CSMD2: variants seen among roughly 807,000 people sequenced by gnomAD.
CSMD2 encodes CUB and sushi domain-containing protein 2.
CSMD2 carries 130 observed loss-of-function variants against 398.5 expected under a neutral mutation model. That is an observed-to-expected ratio of 0.33 (90% CI 0.28 to 0.38). The LOEUF (loss-of-function observed/expected upper bound fraction) is 0.38. Among genes scored for constraint, CSMD2 ranks in the 10% least tolerant of loss-of-function variants. The pLI, the probability that CSMD2 is intolerant of heterozygous loss-of-function variation, is 1.00. For missense variants in CSMD2, 3,829 were observed against 4,764.9 expected, an observed-to-expected ratio of 0.80 and a Z score of 5.78; for synonymous variants, 1,828 against 1,908.5, an observed-to-expected ratio of 0.96 and a Z score of 1.10.
At chr1:33,652,747 AATTATT>A (rs573334439) in intron 27 of CSMD2, among the ~76,000 whole-genome samples, 6 of 152,090 alleles carry the variant, frequency 3.9e-5, no homozygotes, top group East Asian at 1.9e-4. Flanking sequence ...CACCTCAATA[AATTATT>A]ATTATTATTT....
intron 10 of CSMD2, among the ~76,000 whole-genome samples, chr1:33,807,303 C>T (rs1221256859): frequency 1.3e-5 from 2 of 152,134 alleles, no homozygotes; most frequent in East Asian, 3.8e-4. Context: ...AGGTTCTATG[C>T]TTACAGACTG....
rs565720530 is a variant in CSMD2 at position 33,705,936 on chromosome 1, A to T, written c.3576+3153T>A. The stretch of plus-strand genomic sequence containing the variant: ...CTAGTATTGTCTACTTTATTATTTA[A>T]AAAAAAAAAAAACAGTTGGTTTGGT... On this transcript the variant is annotated intron_variant, in intron 22 of 70. Coordinates refer to ENST00000373381, the MANE Select transcript of CSMD2 (RefSeq NM_001281956.2). Among the ~76,000 whole-genome samples the T allele has an allele frequency of 4.0e-3, 584 of 146,596 alleles. 3 individuals are homozygous for T. The highest frequency in any genetic ancestry group is 7.4e-3 in the African/African-American group (295 of 40,126).
At chr1:34,115,366 C>T (rs1558410724) in intron 1 of CSMD2, among the ~76,000 whole-genome samples, 1 of 152,050 alleles carries the variant, frequency 6.6e-6, no homozygotes, top group Non-Finnish European at 1.5e-5. Flanking sequence ...TCATCACCTA[C>T]AAAAGAGTTC....
intron 3 of CSMD2, among the ~76,000 whole-genome samples, chr1:34,028,819 C>T (rs1028195476): frequency 6.6e-6 from 1 of 152,222 alleles, no homozygotes; most frequent in African/African-American, 2.4e-5. Context: ...GCGGCCCACG[C>T]TCTTGCCCCC....
intron 25 of CSMD2, among the ~76,000 whole-genome samples, chr1:33,666,409 A>G (rs1571147723): frequency 6.6e-6 from 1 of 152,056 alleles, no homozygotes; most frequent in Admixed American, 6.6e-5. Flanking sequence ...CATCTTTGTT[A>G]TGGTTTTCTT....
chr1:33,947,921 T>G (rs1351360346), intron 3 of CSMD2, among the ~76,000 whole-genome samples: 1 of 152,180 alleles, frequency 6.6e-6, no homozygotes, highest in Admixed American at 6.5e-5. Context: ...GGTGAGTCAC[T>G]TGCTCACATT....
chr1:34,053,517 G>A lies in CSMD2; in HGVS notation c.405-20811C>T, dbSNP rs113324858. ...TTCAATACAGGTCCATTATGATTGCGGTGCTCTACTACCCTAGAATCCCTC... is the reference window on the plus strand; with the variant it reads ...TTCAATACAGGTCCATTATGATTGCAGTGCTCTACTACCCTAGAATCCCTC... On this transcript the variant is annotated intron_variant, in intron 2 of 70. Transcript: ENST00000373381. Among the ~76,000 whole-genome samples, 11 of 152,222 alleles carry A rather than the reference G, an allele frequency of 7.2e-5. 1 individual carries two copies. Among genetic ancestry groups the A allele is most frequent in the South Asian group, 6.2e-4 (3 of 4,822 alleles).
chr1:33,635,074 C>G lies in CSMD2; in HGVS notation c.5086+140G>C, dbSNP rs904915150. Reference sequence around the variant, plus strand: ...AGCCCGTTTGAGAAACGTCAGCACTCGGCCGTCCTTTTGGGGAGACTGTTC... The same window carrying G: ...AGCCCGTTTGAGAAACGTCAGCACTGGGCCGTCCTTTTGGGGAGACTGTTC... On this transcript the variant is annotated intron_variant, in intron 31 of 70. Transcript: ENST00000373381. This position sits in a 1 kb window ranked among gnomAD's most constrained non-coding sequence, Gnocchi z 5.0. 1.7e-6 allele frequency: 1 copy of G among 605,396 alleles called. No homozygotes were observed. Among genetic ancestry groups the G allele is most frequent in the African/African-American group, 1.9e-5 (1 of 53,898 alleles). The allele number at this position is 605,396 out of a possible 1,614,324, so 37.5% of individuals were successfully genotyped here.
At chr1:33,929,432 CTTTTTTT>C (rs936900076) in intron 4 of CSMD2, among the ~76,000 whole-genome samples, 5 of 100,648 alleles carry the variant, frequency 5.0e-5, no homozygotes, top group Non-Finnish European at 7.5e-5. Flanking sequence ...CAAGCCTATA[CTTTTTTT>C]TTTTTTTTTT....
intron 2 of CSMD2, 100 bp downstream of exon 2, chr1:34,088,877 G>T: frequency 2.1e-6 from 2 of 956,846 alleles, no homozygotes; most frequent in Non-Finnish European, 3.3e-6. Flanking sequence ...AGTGGTCTTT[G>T]TTGATGACCA....
At chr1:33,544,471 A>G (rs1343987658) in intron 57 of CSMD2, among the ~76,000 whole-genome samples, 1 of 152,072 alleles carries the variant, frequency 6.6e-6, no homozygotes. Context: ...CCATTTCTCC[A>G]GAGAGTCTAG....
chr1:34,015,508 T>A (rs1647962431), intron 3 of CSMD2, among the ~76,000 whole-genome samples: 1 of 152,128 alleles, frequency 6.6e-6, no homozygotes, highest in African/African-American at 2.4e-5. Context: ...GGTCTAGGCT[T>A]ACTTGGGCCT....
rs1010831304 is a variant in CSMD2, at chr1:33,537,903, CT to C, written c.9632-295del. Among the ~76,000 whole-genome samples the C allele has an allele frequency of 6.6e-6, 1 of 152,236 alleles. No individual in the cohort carries two copies. The highest frequency in any genetic ancestry group is 1.5e-5 in the Non-Finnish European group (1 of 68,034). Reference sequence around the variant, plus strand: ...TAAACGAAAATCCCACTATTCAAAACTTTTTTTCCATTTTCACGCACATTCT... The same window carrying C: ...TAAACGAAAATCCCACTATTCAAAACTTTTTTCCATTTTCACGCACATTCT... On this transcript the variant is annotated intron_variant, in intron 60 of 70. Coordinates refer to ENST00000373381, the MANE Select transcript of CSMD2 (RefSeq NM_001281956.2). This position sits in a 1 kb window ranked among gnomAD's most constrained non-coding sequence, Gnocchi z 4.6.
At chr1:33,955,996 G>C (rs753885449) in intron 3 of CSMD2, among the ~76,000 whole-genome samples, 3 of 152,146 alleles carry the variant, frequency 2.0e-5, no homozygotes, top group Non-Finnish European at 4.4e-5. Flanking sequence ...GCTGGGGCCT[G>C]TGTTCCTGGA....
At chr1:33,897,852 T>C (rs1393252029) in intron 5 of CSMD2, among the ~76,000 whole-genome samples, 1 of 152,198 alleles carries the variant, frequency 6.6e-6, no homozygotes, top group Non-Finnish European at 1.5e-5. Context: ...ACAAATGTTA[T>C]CTCCCTCAAT....
chr1:33,838,529 A>G (rs984668495), intron 6 of CSMD2: 1 of 152,202 alleles, frequency 6.6e-6, no homozygotes, highest in African/African-American at 2.4e-5. Context: ...AAATGCTTTC[A>G]TTACCCACAG....
rs576618288 is a variant in CSMD2, at chr1:33,752,410, G to T, written c.1847-8804C>A. On this transcript the variant is annotated intron_variant, in intron 13 of 70. Transcript: ENST00000373381. ...TGCTCCTACTTTTACCATATGATAC[G>T]CTGGCTCCGTTTTGCCTTCTGCCAT... is the stretch of plus-strand genomic sequence containing the variant. Among the ~76,000 whole-genome samples the T allele has an allele frequency of 7.9e-5, 12 of 152,248 alleles. No individual in the cohort carries two copies. The South Asian group carries it at 2.3e-3, about 29-fold the overall frequency.
intron 2 of CSMD2, among the ~76,000 whole-genome samples, chr1:34,087,612 TATAATAATA>T (rs71717621): frequency 0.031 from 4,354 of 138,322 alleles, 80 homozygotes; most frequent in Middle Eastern, 0.055. Context: ...GAACTTAAAG[TATAATAATA>T]ATAATAATAA....
At chr1:33,580,932 TGGGAGCCATCACA>T in intron 47 of CSMD2, 33 bp from the exon 48 acceptor site, 7 of 1,609,856 alleles carry the variant, frequency 4.3e-6, no homozygotes, top group Non-Finnish European at 5.9e-6. Flanking sequence ...TTACAGACCA[TGGGAGCCATCACA>T]GGGAGCCTCC....
Sources: gnomAD v4.1 joint callset for allele counts (sites outside exome capture counted in the v4.1 genomes callset) on GRCh38, gnomAD v4.1.1 for gene constraint, Gnocchi (gnomAD v3.1) non-coding constraint, MANE v1.5 for transcripts, NCBI Gene and HGNC (gene_info 2026-07-23, HGNC 2026-07-21) for gene names.